The following CUL9 variants were observed in gnomAD, a reference collection of about 807,000 sequenced individuals.
CUL9 encodes cullin 9.
A neutral mutation model predicts 272.6 loss-of-function variants in CUL9; 79 were observed. That is an observed-to-expected ratio of 0.29 (90% CI 0.24 to 0.35). The LOEUF (loss-of-function observed/expected upper bound fraction) is 0.35. Ranked by LOEUF, CUL9 falls within the 10% of genes least tolerant of loss-of-function variation. CUL9 has a pLI of 1.00. For synonymous variants in CUL9, 1,186 were observed against 1,286.5 expected (o/e 0.92, Z 1.67); for missense variants, 2,532 against 3,255.6 (o/e 0.78, Z 5.41).
At chr6:43,219,350 C>G (rs1776161237) in intron 31 of CUL9, among the ~76,000 whole-genome samples, 1 of 152,190 alleles carries the variant, frequency 6.6e-6, no homozygotes, top group South Asian at 2.1e-4. Flanking sequence ...GGGTGAGCCC[C>G]ACCACTTGGG....
Position 43,220,422 on chromosome 6 carries a change from A to G in CUL9, c.6283-37A>G, listed in dbSNP as rs765818310. The G allele has an allele frequency of 4.3e-6, 7 of 1,612,036 alleles. No individual in the cohort carries two copies. The South Asian group carries it at 4.4e-5, about 10-fold the overall frequency. On this transcript the variant is annotated intron_variant, in intron 31 of 40. Coordinates refer to ENST00000252050, the MANE Select transcript of CUL9 (RefSeq NM_015089.4). The surrounding 1 kb of genome is among the most constrained non-coding windows in gnomAD (Gnocchi z 4.9). ...GACACTCCCCCTGTGCTGCTCCCACACTGTCTGTGAGCAGCCCCTCCTTTT... is the reference window on the plus strand; with the variant it reads ...GACACTCCCCCTGTGCTGCTCCCACGCTGTCTGTGAGCAGCCCCTCCTTTT...
chr6:43,215,437 C>T (rs1384715955), intron 30 of CUL9, 111 bp downstream of exon 30: 2 of 1,421,910 alleles, frequency 1.4e-6, no homozygotes, highest in Admixed American at 2.6e-5. Flanking sequence ...TCCCCTTTTC[C>T]CTATCCCTGT....
At chr6:43,191,313 TTG>T in intron 8 of CUL9, among the ~76,000 whole-genome samples, 1 of 147,306 alleles carries the variant, frequency 6.8e-6, no homozygotes, top group South Asian at 2.1e-4. Context: ...TTTTTTTTGT[TTG>T]TTTTTTTGTT....
intron 30 of CUL9, 138 bp downstream of exon 30, chr6:43,215,464 G>A: frequency 7.6e-7 from 1 of 1,324,344 alleles, no homozygotes; most frequent in East Asian, 2.5e-5. Context: ...CCTGACTTTG[G>A]TAGTTTTTAT....
intron 8 of CUL9, among the ~76,000 whole-genome samples, chr6:43,191,355 C>T (rs200991596): frequency 3.8e-4 from 57 of 149,378 alleles, no homozygotes; most frequent in African/African-American, 1.2e-3. Flanking sequence ...GTCTGTTGAC[C>T]GGGCTGGAGT....
At chr6:43,219,540 T>C (rs1776174425) in intron 31 of CUL9, among the ~76,000 whole-genome samples, 1 of 152,234 alleles carries the variant, frequency 6.6e-6, no homozygotes, top group East Asian at 1.9e-4. Flanking sequence ...TTTGTTTCAA[T>C]GCAGAAAGGG....
In CUL9 at chr6:43,200,411, A is replaced by G; in HGVS notation, c.3385-25A>G. ...TGTGTTCCTCCCTCTCCTCTTCCTC[A>G]TTCTCCCTGATGTTCCGGCTGCAGA... is the stretch of plus-strand genomic sequence containing the variant. On this transcript the variant is annotated intron_variant, in intron 14 of 40. Transcript: ENST00000252050. The surrounding 1 kb of genome is among the most constrained non-coding windows in gnomAD (Gnocchi z 4.0). The G allele has an allele frequency of 6.2e-7, 1 of 1,613,608 alleles. No individual in the cohort carries two copies. Among genetic ancestry groups the G allele is most frequent in the Non-Finnish European group, 8.5e-7 (1 of 1,179,902 alleles).
At chr6:43,187,591 C>A in intron 6 of CUL9, 122 bp from the exon 7 acceptor site, 1 of 1,328,220 alleles carries the variant, frequency 7.5e-7, no homozygotes, top group East Asian at 2.3e-5. Flanking sequence ...GAGGCAAGTG[C>A]TGTGAGGGTC....
Position 43,186,220 on chromosome 6 carries a change from A to G in CUL9, c.1016A>G (p.Gln339Arg). ...SPPRPTRSIFQPYISGPSLLL... is the reference protein window; with the variant it reads ...SPPRPTRSIFRPYISGPSLLL... ...CCCCGGCCAACCCGGTCCATCTTTC[A>G]GCCCTACATTTCAGGCCCCAGCCTT... Residue 339 changes from glutamine to arginine, a missense_variant, in exon 4 of 41, where the codon CAG (glutamine) becomes CGG (arginine). Physicochemically the swap from Gln to Arg is conservative, Grantham distance 43. Coordinates refer to ENST00000252050, the MANE Select transcript of CUL9 (RefSeq NM_015089.4). 6.2e-7 allele frequency: 1 copy of G among 1,614,236 alleles called. No homozygotes were observed. Among genetic ancestry groups the G allele is most frequent in the Non-Finnish European group, 8.5e-7 (1 of 1,180,036 alleles).
intron 7 of CUL9, 23 bp downstream of exon 7, chr6:43,188,141 G>A: frequency 6.2e-7 from 1 of 1,612,566 alleles, no homozygotes; most frequent in South Asian, 1.1e-5. Context: ...CTGGGAGGAA[G>A]CAATTGGAAC....
In CUL9 at chr6:43,186,373, G is replaced by A. The variant is rs779464925; in HGVS notation, c.1169G>A (p.Arg390Gln). 18 of 1,613,984 alleles carry A rather than the reference G, an allele frequency of 1.1e-5. No individual in the cohort carries two copies. Among genetic ancestry groups the A allele is most frequent in the East Asian group, 8.9e-5 (4 of 44,900 alleles). Residue 390 changes from arginine (R) to glutamine (Q), a missense_variant, in exon 4 of 41, where the codon CGG becomes CAG. By Grantham distance (43) the Arg-to-Gln change is conservative. Coordinates refer to ENST00000252050, the MANE Select transcript of CUL9 (RefSeq NM_015089.4). Reference sequence around the variant, plus strand: ...ACACTGCAGCCAGGGATGCGAGTGCGGATGCTGGATGATTATGAGGAGATC... The same window carrying A: ...ACACTGCAGCCAGGGATGCGAGTGCAGATGCTGGATGATTATGAGGAGATC... ...QQTLQPGMRV[R>Q]MLDDYEEISA...
chr6:43,202,968 G>T (rs1266078997), intron 17 of CUL9, 141 bp from the exon 18 acceptor site: 3 of 1,187,052 alleles, frequency 2.5e-6, no homozygotes. Flanking sequence ...TGGGATTAGG[G>T]ATGCAGAGCC....
chr6:43,199,860 C>G lies in CUL9; in HGVS notation c.3157-69C>G, dbSNP rs115576437. 1.5e-3 allele frequency: 1,864 copies of G among 1,267,604 alleles called. 16 individuals carry two copies. The African/African-American group carries it at 0.025, about 17-fold the overall frequency. The allele number at this position is 1,267,604 out of a possible 1,614,324, so 78.5% of individuals were successfully genotyped here. A position where few individuals can be genotyped will look rare whatever the true frequency, so the allele number is the denominator to read the frequency against. On this transcript the variant is annotated intron_variant, in intron 13 of 40. Coordinates refer to ENST00000252050, the MANE Select transcript of CUL9 (RefSeq NM_015089.4). The surrounding 1 kb of genome is among the most constrained non-coding windows in gnomAD (Gnocchi z 4.4). ...AGCCACGACACTTCCTTTACTGAAC[C>G]CTCTCCTCAATCCTTACATGTCCTA...
At position 43,224,487 on chromosome 6, in the gene CUL9, C is replaced by G; in HGVS notation, c.*42C>G. On this transcript the variant is annotated 3_prime_UTR_variant, in exon 41 of 41. Coordinates refer to ENST00000252050, the MANE Select transcript of CUL9 (RefSeq NM_015089.4). This position sits in a 1 kb window ranked among gnomAD's most constrained non-coding sequence, Gnocchi z 4.2. Reference sequence around the variant, plus strand: ...AACACCTAGAGCAGCCCCAGAGTCACGGGGCTGAGGGGGCGGGAGCTGCCC... The same window carrying G: ...AACACCTAGAGCAGCCCCAGAGTCAGGGGGCTGAGGGGGCGGGAGCTGCCC... 2 of 1,575,572 alleles carry G rather than the reference C, an allele frequency of 1.3e-6. No homozygotes were observed. Among genetic ancestry groups the G allele is most frequent in the Non-Finnish European group, 1.7e-6 (2 of 1,155,440 alleles).
At position 43,206,033 on chromosome 6, in the gene CUL9, G is replaced by A; in HGVS notation, c.4820G>A (p.Ser1607Asn). The A allele has an allele frequency of 5.0e-6, 8 of 1,614,074 alleles. No homozygotes were observed. Among genetic ancestry groups the A allele is most frequent in the Non-Finnish European group, 6.8e-6 (8 of 1,179,958 alleles). ...CATTATATGGCGGACCGTCTCCTGA[G>A]CTTTGGTTCGAGCTGGCTGGAGGGG... Reference protein sequence around the residue: ...YQHYMADRLLSFGSSWLEGAV... With the variant: ...YQHYMADRLLNFGSSWLEGAV... Residue 1607 changes from serine (S) to asparagine (N), a missense_variant, in exon 25 of 41, where the codon AGC becomes AAC. Ser to Asn is a conservative substitution (Grantham distance 46). Around this residue, in one of 3 missense-constraint regions of CUL9, gnomAD observed 2,218 missense variants for 2,788.6 expected, o/e 0.80. Coordinates refer to ENST00000252050, the MANE Select transcript of CUL9 (RefSeq NM_015089.4). The surrounding 1 kb of genome is among the most constrained non-coding windows in gnomAD (Gnocchi z 4.8).
chr6:43,203,979 C>G lies in CUL9; in HGVS notation c.4151C>G (p.Thr1384Ser). ...ALVSPLVQNITSPDAEGVSAL... is the reference protein window; with the variant it reads ...ALVSPLVQNISSPDAEGVSAL... ...GTCAGCCCCCTGGTGCAGAACATCA[C>G]CTCTCCCGGTAACCATGCTGACACC... is the stretch of plus-strand genomic sequence containing the variant. Residue 1384 changes from threonine (T) to serine (S), a missense_variant, in exon 20 of 41, where the codon ACC becomes AGC. Thr to Ser is a moderately conservative substitution (Grantham distance 58). This residue lies in a region of CUL9 where 2,218 missense variants were observed against 2,788.6 expected (regional missense o/e 0.80). Transcript: ENST00000252050. The surrounding 1 kb of genome is among the most constrained non-coding windows in gnomAD (Gnocchi z 5.0). The G allele has an allele frequency of 6.3e-7, 1 of 1,599,752 alleles. No individual in the cohort carries two copies. Among genetic ancestry groups the G allele is most frequent in the Non-Finnish European group, 8.5e-7 (1 of 1,170,148 alleles).
At position 43,186,195 on chromosome 6, in the gene CUL9, C is replaced by T; in HGVS notation, c.991C>T (p.Pro331Ser). 2 of 1,614,228 alleles carry T rather than the reference C, an allele frequency of 1.2e-6. No individual in the cohort carries two copies. The highest frequency in any genetic ancestry group is 4.5e-5 in the East Asian group (2 of 44,886). The change falls in exon 4 of 41, where the codon CCC (proline) becomes TCC (serine). Residue 331 changes from proline (P) to serine (S), a missense_variant. Coordinates refer to ENST00000252050, the MANE Select transcript of CUL9 (RefSeq NM_015089.4). ...RNLSEQGMSP[P>S]RPTRSIFQPY... is the part of the protein sequence containing the mutation. The stretch of plus-strand genomic sequence containing the variant: ...CCTCAGCGAACAGGGCATGTCACCT[C>T]CCCGGCCAACCCGGTCCATCTTTCA...
chr6:43,194,641 G>A (rs1307349269), intron 9 of CUL9, among the ~76,000 whole-genome samples: 1 of 151,930 alleles, frequency 6.6e-6, no homozygotes, highest in Non-Finnish European at 1.5e-5. Context: ...TTCTTTATGG[G>A]ACCAAGAGCA....
intron 31 of CUL9, among the ~76,000 whole-genome samples, chr6:43,219,257 C>T (rs1426010245): frequency 6.6e-6 from 1 of 152,098 alleles, no homozygotes; most frequent in Non-Finnish European, 1.5e-5. Context: ...ATTGAAAAGC[C>T]CCTGCAAGGA....
Sources: gnomAD v4.1 joint callset for allele counts (sites outside exome capture counted in the v4.1 genomes callset) on GRCh38, gnomAD v4.1.1 for gene constraint, gnomAD v4.1.1 regional missense constraint, Gnocchi (gnomAD v3.1) non-coding constraint, MANE v1.5 for transcripts, NCBI Gene and HGNC (gene_info 2026-07-23, HGNC 2026-07-21) for gene names.